SEMA3D: variants seen among roughly 807,000 people sequenced by gnomAD.
SEMA3D encodes semaphorin-3D.
Under a neutral mutation model 100.1 loss-of-function variants are expected in SEMA3D, and 84 were observed. The ratio of observed to expected loss-of-function variants is 0.84; its 90% CI spans 0.70 to 1.01. SEMA3D has a LOEUF of 1.01. SEMA3D is among the 50% of genes least tolerant of loss of function. SEMA3D has a pLI of 0.00. For missense variants in SEMA3D, 875 were observed against 934.1 expected (o/e 0.94, Z 0.82); for synonymous variants, 312 against 320.7 (o/e 0.97, Z 0.29).
chr7:85,052,934 T>G (rs1791207428), intron 9 of SEMA3D, among the ~76,000 whole-genome samples: 1 of 151,958 alleles, frequency 6.6e-6, no homozygotes, highest in African/African-American at 2.4e-5. Flanking sequence ...GCCAAAATCT[T>G]TTCCCCACCA....
Position 85,010,863 on chromosome 7 carries a change from G to A in SEMA3D, c.1768+1919C>T, listed in dbSNP as rs1022255505. Among the ~76,000 whole-genome samples the A allele has an allele frequency of 1.8e-4, 28 of 151,656 alleles. 1 individual carries two copies. Among genetic ancestry groups the A allele is most frequent in the Admixed American group, 7.2e-4 (11 of 15,182 alleles). On this transcript the variant is annotated intron_variant, in intron 17 of 18. Coordinates refer to ENST00000284136, the MANE Select transcript of SEMA3D (RefSeq NM_001384900.1). ...AATAGCCTCTGATAGTGTTGAAATA[G>A]ACAGTATTAGGGAGTCAGTAGACAG... is the stretch of plus-strand genomic sequence containing the variant.
chr7:85,172,907 G>T (rs888109631), intron 1 of SEMA3D, among the ~76,000 whole-genome samples: 3 of 152,074 alleles, frequency 2.0e-5, no homozygotes, highest in Non-Finnish European at 4.4e-5. Context: ...TTATGAGGGA[G>T]ACTAAAATAG....
chr7:85,248,675 G>C, the SEMA3D span, among the ~76,000 whole-genome samples: 2 of 152,182 alleles, frequency 1.3e-5, no homozygotes, highest in Non-Finnish European at 2.9e-5. Flanking sequence ...GTCATGAAAA[G>C]ACATGGAGGA....
intron 12 of SEMA3D, among the ~76,000 whole-genome samples, chr7:85,024,913 G>T (rs1247562248): frequency 6.6e-6 from 1 of 151,998 alleles, no homozygotes. Flanking sequence ...AGCAATGTAT[G>T]TAGGTAAGAG....
At position 85,116,673 on chromosome 7, in the gene SEMA3D, ACATTTTTGCTTACTCTGAGG is replaced by A. The variant is rs1214534073; in HGVS notation, c.151+5048_151+5067del. The stretch of plus-strand genomic sequence containing the variant: ...ATGGTTATTGTTTTTGTGTCCTAAG[ACATTTTTGCTTACTCTGAGG>A]TTCCAAAGATATTATTCCATGTTAT... On this transcript the variant is annotated intron_variant, in intron 3 of 18. Coordinates refer to ENST00000284136, the MANE Select transcript of SEMA3D (RefSeq NM_001384900.1). Among the ~76,000 whole-genome samples the A allele has an allele frequency of 3.3e-5, 5 of 151,816 alleles. No individual in the cohort carries two copies. In the East Asian group the frequency reaches 9.7e-4, roughly 29 times the overall value.
chr7:85,064,140 C>A (rs972655935), intron 8 of SEMA3D, among the ~76,000 whole-genome samples: 6 of 152,130 alleles, frequency 3.9e-5, no homozygotes, highest in African/African-American at 1.4e-4. Context: ...GGAAAAAATA[C>A]TACTGTCTTT....
chr7:85,031,545 T>A (rs943046924), intron 12 of SEMA3D, among the ~76,000 whole-genome samples: 1 of 152,006 alleles, frequency 6.6e-6, no homozygotes, highest in Non-Finnish European at 1.5e-5. Flanking sequence ...TGGTTGCTCA[T>A]TTGTTATCCC....
intron 11 of SEMA3D, among the ~76,000 whole-genome samples, chr7:85,039,178 T>C (rs1030064553): frequency 6.6e-6 from 1 of 152,122 alleles, no homozygotes; most frequent in African/African-American, 2.4e-5. Context: ...GCTTTGAACA[T>C]AGTCAAATTT....
At chr7:85,236,961 G>C in the SEMA3D span, among the ~76,000 whole-genome samples, 1 of 152,070 alleles carries the variant, frequency 6.6e-6, no homozygotes, top group Non-Finnish European at 1.5e-5. Context: ...AAATAGTACA[G>C]AGATTTGTTG....
At chr7:85,083,097 T>A (rs1336901025) in intron 4 of SEMA3D, among the ~76,000 whole-genome samples, 2 of 152,110 alleles carry the variant, frequency 1.3e-5, no homozygotes, top group African/African-American at 4.8e-5. Context: ...CTCCTCAAAT[T>A]GCAAACCGCA....
chr7:85,085,096 T>A (rs1025617876), intron 4 of SEMA3D, among the ~76,000 whole-genome samples: 2 of 152,180 alleles, frequency 1.3e-5, no homozygotes, highest in Non-Finnish European at 2.9e-5. Context: ...AGATTAATAT[T>A]TCTTTGAATC....
rs145745995 is a variant in SEMA3D at position 85,058,513 on chromosome 7, C to T, written c.719-2654G>A. 6.1e-3 allele frequency among the ~76,000 whole-genome samples: 922 copies of T among 151,882 alleles called. 3 individuals are homozygous for T. Among genetic ancestry groups the T allele is most frequent in the Non-Finnish European group, 9.5e-3 (643 of 67,930 alleles). ...CTATAATCCCAGCACTTTGGGAGGC[C>T]GAGGCCGGCAGATCACGAGGTAAAG... On this transcript the variant is annotated intron_variant, in intron 8 of 18. Coordinates refer to ENST00000284136, the MANE Select transcript of SEMA3D (RefSeq NM_001384900.1).
intron 2 of SEMA3D, chr7:85,143,112 A>C: frequency 1.0e-6 from 1 of 962,614 alleles, no homozygotes; most frequent in Non-Finnish European, 1.2e-6. Flanking sequence ...AGTACCTATC[A>C]CATAGCTATC....
intron 8 of SEMA3D, among the ~76,000 whole-genome samples, chr7:85,063,937 C>T (rs1307772881): frequency 6.6e-6 from 1 of 152,054 alleles, no homozygotes; most frequent in Non-Finnish European, 1.5e-5. Context: ...AGAATAGCAC[C>T]CAGTAGGCAA....
chr7:85,008,168 A>C (rs1789852353), intron 17 of SEMA3D, among the ~76,000 whole-genome samples: 2 of 151,910 alleles, frequency 1.3e-5, no homozygotes, highest in South Asian at 2.1e-4. Flanking sequence ...TTATAATAAC[A>C]GATACAATTT....
intron 12 of SEMA3D, chr7:85,029,012 T>C (rs771581869): frequency 2.0e-5 from 8 of 405,560 alleles, no homozygotes; most frequent in Non-Finnish European, 3.9e-5. Context: ...TTTTTGGATG[T>C]CACTCCTCTT....
chr7:85,200,445 C>T, the SEMA3D span, among the ~76,000 whole-genome samples: 1 of 152,080 alleles, frequency 6.6e-6, no homozygotes, highest in South Asian at 2.1e-4. Flanking sequence ...AGTATTTTGC[C>T]CCTGCCCTAG....
At chr7:85,078,229 A>C (rs535161971) in intron 5 of SEMA3D, among the ~76,000 whole-genome samples, 7 of 152,220 alleles carry the variant, frequency 4.6e-5, no homozygotes, top group African/African-American at 1.7e-4. Context: ...TATAATTTGC[A>C]AACTTTCTAC....
At chr7:85,129,472 C>T (rs912091311) in intron 2 of SEMA3D, among the ~76,000 whole-genome samples, 2 of 151,866 alleles carry the variant, frequency 1.3e-5, no homozygotes, top group African/African-American at 4.8e-5. Flanking sequence ...TTATTTAATA[C>T]ATATCTTATC....
Sources: allele counts gnomAD v4.1 joint callset (sites outside exome capture counted in the v4.1 genomes callset), GRCh38; gene constraint gnomAD v4.1.1; transcripts MANE v1.5; gene names NCBI Gene and HGNC (gene_info 2026-07-23, HGNC 2026-07-21).